The following CACNA2D1 variants were observed in gnomAD, a reference collection of about 807,000 sequenced individuals.
The protein encoded by CACNA2D1 is voltage-dependent calcium channel subunit alpha-2/delta-1.
Under a neutral mutation model 171.5 loss-of-function variants are expected in CACNA2D1, and 53 were observed. The observed-to-expected ratio is 0.31, with a 90% confidence interval of 0.25 to 0.39. The LOEUF (loss-of-function observed/expected upper bound fraction) is 0.39, where lower values mean the gene tolerates loss of function less well. CACNA2D1 is among the 10% of genes least tolerant of loss of function. CACNA2D1 has a pLI of 1.00. For missense variants in CACNA2D1, 903 were observed against 1,299.8 expected (o/e 0.69, Z 4.69); for synonymous variants, 442 against 443.1 (o/e 1.00, Z 0.03).
chr7:82,044,480 T>C (rs1039517841), intron 10 of CACNA2D1, among the ~76,000 whole-genome samples: 4 of 152,126 alleles, frequency 2.6e-5, no homozygotes, highest in South Asian at 2.1e-4. Flanking sequence ...ATAATTCAAA[T>C]CCAGACCTGA....
At chr7:82,301,005 C>G (rs1463069451) in intron 3 of CACNA2D1, among the ~76,000 whole-genome samples, 1 of 152,086 alleles carries the variant, frequency 6.6e-6, no homozygotes, top group South Asian at 2.1e-4. Context: ...AAATAACATC[C>G]AAATGTAGAC....
Position 82,235,562 on chromosome 7 carries a change from A to G in CACNA2D1, c.295-64953T>C, listed in dbSNP as rs1162988223. Among the ~76,000 whole-genome samples, 3 of 152,186 alleles carry G rather than the reference A, an allele frequency of 2.0e-5. No homozygotes were observed. In the East Asian group the frequency reaches 5.8e-4, roughly 29 times the overall value. ...GTTATACCAAGGAAGCAAAATGTTGATAACAGTAATAATAAATGCTGGAAT... is the reference window on the plus strand; with the variant it reads ...GTTATACCAAGGAAGCAAAATGTTGGTAACAGTAATAATAAATGCTGGAAT... On this transcript the variant is annotated intron_variant, in intron 3 of 38. Transcript: ENST00000356860.
chr7:82,025,841 C>T (rs933509893), intron 12 of CACNA2D1, among the ~76,000 whole-genome samples: 1 of 151,658 alleles, frequency 6.6e-6, no homozygotes, highest in Non-Finnish European at 1.5e-5. Flanking sequence ...CCAGATTGAT[C>T]ATCTGTCTGG....
rs1826308948 is a variant in CACNA2D1 at position 82,400,804 on chromosome 7, C to A, written c.95+42561G>T. Among the ~76,000 whole-genome samples the A allele has an allele frequency of 2.0e-5, 3 of 150,896 alleles. No homozygotes were observed. In the South Asian group the frequency reaches 6.3e-4, roughly 32 times the overall value. ...TGGGAGAAAATTTTTGCAACCTACT[C>A]ATCTGACAAAGGGCTAATATCCAGA... is the stretch of plus-strand genomic sequence containing the variant. On this transcript the variant is annotated intron_variant, in intron 1 of 38. Coordinates refer to ENST00000356860, the MANE Select transcript of CACNA2D1 (RefSeq NM_000722.4).
intron 3 of CACNA2D1, among the ~76,000 whole-genome samples, chr7:82,193,651 C>T (rs1336086248): frequency 2.0e-5 from 3 of 151,832 alleles, no homozygotes; most frequent in Non-Finnish European, 4.4e-5. Context: ...TAGATTTTTC[C>T]GAATCACTTT....
chr7:81,962,867 T>C (rs1429612783), intron 34 of CACNA2D1, among the ~76,000 whole-genome samples: 1 of 151,994 alleles, frequency 6.6e-6, no homozygotes, highest in African/African-American at 2.4e-5. Context: ...TTTTTGGGTT[T>C]CCCCCGCCCC....
intron 4 of CACNA2D1, among the ~76,000 whole-genome samples, chr7:82,155,550 T>C (rs1794294329): frequency 1.3e-5 from 2 of 152,154 alleles, no homozygotes; most frequent in African/African-American, 4.8e-5. Flanking sequence ...TATCTAACTA[T>C]AAGAATAATA....
At chr7:82,138,656 C>G (rs1241486063) in intron 4 of CACNA2D1, among the ~76,000 whole-genome samples, 1 of 151,894 alleles carries the variant, frequency 6.6e-6, no homozygotes, top group Non-Finnish European at 1.5e-5. Flanking sequence ...CTGTGTTAGC[C>G]AGGATGGTCT....
intron 7 of CACNA2D1, among the ~76,000 whole-genome samples, chr7:82,070,724 T>C (rs908271123): frequency 6.6e-6 from 1 of 152,196 alleles, no homozygotes; most frequent in African/African-American, 2.4e-5. Flanking sequence ...GGGAGAAATG[T>C]AGTCCCTGGC....
rs71093367 is a variant in CACNA2D1 at position 82,181,041 on chromosome 7, A to ATTTTT, written c.295-10437_295-10433dup. Among the ~76,000 whole-genome samples the ATTTTT allele has an allele frequency of 1.2e-3, 17 of 13,960 alleles. 7 individuals are homozygous for ATTTTT. Among genetic ancestry groups the ATTTTT allele is most frequent in the African/African-American group, 1.7e-3 (7 of 4,162 alleles). 9.2% of individuals were successfully genotyped at this position (13,960 alleles called of 152,430 possible). A position where few individuals can be genotyped will look rare whatever the true frequency, so the allele number is the denominator to read the frequency against. The stretch of plus-strand genomic sequence containing the variant: ...GGTCAGCAGCTGTGGGGCATGTCGG[A>ATTTTT]TTTTTTTTTTTTTTTTTTTTTTTTT... On this transcript the variant is annotated intron_variant, in intron 3 of 38. Coordinates refer to ENST00000356860, the MANE Select transcript of CACNA2D1 (RefSeq NM_000722.4).
At chr7:82,216,706 CA>C (rs1801130930) in intron 3 of CACNA2D1, among the ~76,000 whole-genome samples, 1 of 151,874 alleles carries the variant, frequency 6.6e-6, no homozygotes, top group South Asian at 2.1e-4. Flanking sequence ...ATCCAAAGAC[CA>C]AGACGCCTAG....
At chr7:82,033,004 G>A (rs1287494881) in intron 11 of CACNA2D1, 103 bp from the exon 12 acceptor site, 1 of 707,740 alleles carries the variant, frequency 1.4e-6, no homozygotes, top group African/African-American at 1.8e-5. Context: ...AGTAATTAAT[G>A]AAATATCTGC....
intron 1 of CACNA2D1, among the ~76,000 whole-genome samples, chr7:82,366,644 C>G (rs1821746496): frequency 6.6e-6 from 1 of 152,074 alleles, no homozygotes; most frequent in Admixed American, 6.6e-5. Context: ...AGGTTGATTC[C>G]ATGTCTTTGC....
At chr7:82,169,613 G>A (rs1795813827) in intron 4 of CACNA2D1, among the ~76,000 whole-genome samples, 1 of 152,010 alleles carries the variant, frequency 6.6e-6, no homozygotes, top group South Asian at 2.1e-4. Flanking sequence ...TCAGTTTAGT[G>A]TCTACTGAAG....
Position 82,443,742 on chromosome 7 carries a change from C to T in CACNA2D1, c.-283G>A, listed in dbSNP as rs1830689653. The T allele has an allele frequency of 6.6e-6, 8 of 1,205,116 alleles. No homozygotes were observed. In the East Asian group the frequency reaches 2.2e-4, roughly 33 times the overall value. 74.7% of individuals were successfully genotyped at this position (1,205,116 alleles called of 1,614,324 possible). Reference sequence around the variant, plus strand: ...CATCAAGGGCGACTTTGGAAACAGACCTCGGCGAGCCCGCCGGCGCTCGCG... The same window carrying T: ...CATCAAGGGCGACTTTGGAAACAGATCTCGGCGAGCCCGCCGGCGCTCGCG... On this transcript the variant is annotated 5_prime_UTR_variant, in exon 1 of 39. Coordinates refer to ENST00000356860, the MANE Select transcript of CACNA2D1 (RefSeq NM_000722.4).
At chr7:82,149,772 CA>C (rs1319774469) in intron 4 of CACNA2D1, among the ~76,000 whole-genome samples, 16 of 90,534 alleles carry the variant, frequency 1.8e-4, no homozygotes, top group Admixed American at 1.0e-3. Context: ...ACTAAAAATA[CA>C]AAAAAAAAAC....
intron 1 of CACNA2D1, among the ~76,000 whole-genome samples, chr7:82,396,428 A>T (rs577258630): frequency 2.2e-4 from 33 of 152,340 alleles, no homozygotes; most frequent in South Asian, 6.2e-4. Flanking sequence ...ATAGTTCCAT[A>T]ATCTGGCTCT....
chr7:82,117,234 G>A, intron 5 of CACNA2D1, 61 bp from the exon 6 acceptor site: 1 of 1,512,312 alleles, frequency 6.6e-7, no homozygotes, highest in Non-Finnish European at 9.1e-7. Flanking sequence ...ATTTTCACAT[G>A]CACTTCTTTA....
chr7:82,136,609 T>G lies in CACNA2D1; in HGVS notation c.396+26A>C, dbSNP rs542469915. The G allele has an allele frequency of 2.7e-5, 42 of 1,551,220 alleles. 1 individual carries two copies. In the East Asian group the frequency reaches 7.9e-4, roughly 29 times the overall value. On this transcript the variant is annotated intron_variant, in intron 5 of 38. Coordinates refer to ENST00000356860, the MANE Select transcript of CACNA2D1 (RefSeq NM_000722.4). ...TCATTTTACTATAATTTTCTTGGAA[T>G]TTAATGGAAAACATTTAATACTCAC...
Sources: gnomAD v4.1 joint callset for allele counts (sites outside exome capture counted in the v4.1 genomes callset) on GRCh38, gnomAD v4.1.1 for gene constraint, MANE v1.5 for transcripts, NCBI Gene and HGNC (gene_info 2026-07-23, HGNC 2026-07-21) for gene names.